Variants in GLG1 observed in about 807,000 individuals in gnomAD.
GLG1 encodes the protein golgi glycoprotein 1, also known as Golgi apparatus protein 1.
GLG1 carries 38 observed loss-of-function variants against 160.5 expected under a neutral mutation model. The ratio of observed to expected loss-of-function variants is 0.24; its 90% CI spans 0.18 to 0.31. GLG1 has a LOEUF of 0.31. Ranked by LOEUF, GLG1 falls within the 10% of genes least tolerant of loss-of-function variation. The pLI, the probability that GLG1 is intolerant of heterozygous loss-of-function variation, is 1.00. For synonymous variants in GLG1, 644 were observed against 543.4 expected, an observed-to-expected ratio of 1.19 and a Z score of -2.57; for missense variants, 1,373 against 1,505.2, an observed-to-expected ratio of 0.91 and a Z score of 1.45.
intron 13 of GLG1, 88 bp from the exon 14 acceptor site, chr16:74,472,499 C>T (rs2015242208): frequency 2.2e-6 from 3 of 1,345,084 alleles, no homozygotes; most frequent in African/African-American, 1.5e-5. Flanking sequence ...TCAGTAATAT[C>T]TGATGGGCAA....
At chr16:74,586,133 A>G (rs1958047720) in intron 1 of GLG1, among the ~76,000 whole-genome samples, 1 of 152,086 alleles carries the variant, frequency 6.6e-6, no homozygotes, top group Non-Finnish European at 1.5e-5. Flanking sequence ...TTTCATCTCA[A>G]TGAGTTAGAA....
chr16:74,474,300 G>C (rs1003710263), intron 13 of GLG1: 8 of 419,594 alleles, frequency 1.9e-5, no homozygotes, highest in African/African-American at 1.2e-4. Flanking sequence ...TAATGACTAT[G>C]ATAAACCTAA....
chr16:74,459,257 T>A (rs2014684171), intron 23 of GLG1, among the ~76,000 whole-genome samples: 1 of 152,256 alleles, frequency 6.6e-6, no homozygotes, highest in Non-Finnish European at 1.5e-5. Context: ...GGCGGGTGGA[T>A]CACGAGGTCA....
chr16:74,481,953 A>AT (rs886341695), intron 10 of GLG1, among the ~76,000 whole-genome samples: 85 of 151,798 alleles, frequency 5.6e-4, no homozygotes, highest in Admixed American at 1.2e-3. Flanking sequence ...CGCCCGGCTA[A>AT]TTTTTTTTGT....
intron 22 of GLG1, chr16:74,461,373 T>TA (rs2014786161): frequency 1.3e-5 from 2 of 151,286 alleles, no homozygotes; most frequent in South Asian, 4.2e-4. Flanking sequence ...TTCACTGTGT[T>TA]AGCCAGGATG....
At chr16:74,563,537 T>C (rs1222598775) in intron 1 of GLG1, among the ~76,000 whole-genome samples, 1 of 151,978 alleles carries the variant, frequency 6.6e-6, no homozygotes, top group Non-Finnish European at 1.5e-5. Flanking sequence ...AAGACCAGCC[T>C]GGTCAAAATG....
intron 1 of GLG1, among the ~76,000 whole-genome samples, chr16:74,588,210 T>G (rs1213893212): frequency 6.6e-6 from 1 of 152,026 alleles, no homozygotes; most frequent in Non-Finnish European, 1.5e-5. Context: ...AAAAACTGTC[T>G]GAAGAAATAG....
rs1488236395 is a variant in GLG1, at chr16:74,449,656, C to G, written c.*3511G>C. Reference sequence around the variant, plus strand: ...AAGAGTAAGGACAGCATGAGACAGCCAAAGGCCTGCAGTGTGTTCAAGTCA... The same window carrying G: ...AAGAGTAAGGACAGCATGAGACAGCGAAAGGCCTGCAGTGTGTTCAAGTCA... On this transcript the variant is annotated 3_prime_UTR_variant, in exon 26 of 26. Transcript: ENST00000422840. The G allele has an allele frequency of 6.6e-6, 1 of 152,194 alleles. No individual in the cohort carries two copies. Among genetic ancestry groups the G allele is most frequent in the African/African-American group, 2.4e-5 (1 of 41,422 alleles). 9.4% of individuals were successfully genotyped at this position (152,194 alleles called of 1,614,324 possible).
chr16:74,485,951 A>G, intron 8 of GLG1, 34 bp from the exon 9 acceptor site: 1 of 1,590,218 alleles, frequency 6.3e-7, no homozygotes, highest in Non-Finnish European at 8.6e-7. Flanking sequence ...GAAGAAAGAA[A>G]GTCACTTAGG....
In GLG1 at chr16:74,447,492, G is replaced by A. The variant is rs1413317143; in HGVS notation, c.*5675C>T. 1 of 152,060 alleles carries A rather than the reference G, an allele frequency of 6.6e-6. No individual in the cohort carries two copies. Among genetic ancestry groups the A allele is most frequent in the Non-Finnish European group, 1.5e-5 (1 of 68,010 alleles). 9.4% of individuals were successfully genotyped at this position (152,060 alleles called of 1,614,324 possible). A position where few individuals can be genotyped will look rare whatever the true frequency, so the allele number is the denominator to read the frequency against. ...CCATTTCATCTGTACAGAAAAAAAT[G>A]CACATTATGTTCAGAACATATCTCA... is the stretch of plus-strand genomic sequence containing the variant. On this transcript the variant is annotated 3_prime_UTR_variant, in exon 26 of 26. Transcript: ENST00000422840.
chr16:74,528,013 C>T (rs1029637659), intron 2 of GLG1, among the ~76,000 whole-genome samples: 6 of 150,490 alleles, frequency 4.0e-5, no homozygotes, highest in African/African-American at 9.8e-5. Context: ...GCCTCCCGAG[C>T]AGCTGGGACT....
intron 1 of GLG1, among the ~76,000 whole-genome samples, chr16:74,565,166 T>C (rs887876311): frequency 2.2e-4 from 34 of 151,972 alleles, no homozygotes; most frequent in African/African-American, 8.2e-4. Context: ...CTGTCTCTAC[T>C]AAAAATATAA....
intron 8 of GLG1, among the ~76,000 whole-genome samples, chr16:74,487,075 G>A (rs554197289): frequency 3.4e-4 from 51 of 152,016 alleles, no homozygotes; most frequent in Admixed American, 1.6e-3. Flanking sequence ...CACCACTCCC[G>A]GCTAACTTTT....
At chr16:74,482,435 A>C (rs1422179564) in intron 10 of GLG1, among the ~76,000 whole-genome samples, 1 of 152,190 alleles carries the variant, frequency 6.6e-6, no homozygotes, top group Non-Finnish European at 1.5e-5. Flanking sequence ...AGAAAGCAAG[A>C]TGCGGAAAGA....
intron 2 of GLG1, among the ~76,000 whole-genome samples, chr16:74,522,375 T>C (rs1247517235): frequency 6.6e-6 from 1 of 152,244 alleles, no homozygotes; most frequent in Non-Finnish European, 1.5e-5. Context: ...ACTATCACCG[T>C]TGTTCCACAT....
intron 13 of GLG1, chr16:74,472,815 G>T: frequency 3.0e-6 from 1 of 338,602 alleles, no homozygotes; most frequent in Admixed American, 4.1e-5. Context: ...TGCCCTCAAA[G>T]CAGATGCCAA....
rs1241011507 is a variant in GLG1 at position 74,451,279 on chromosome 16, C to T, written c.*1888G>A. ...AGACAGCTGTTGACAATCAGGAAGA[C>T]CCTACAAGCAGGACCGAGGGGACTA... On this transcript the variant is annotated 3_prime_UTR_variant, in exon 26 of 26. Coordinates refer to ENST00000422840, the MANE Select transcript of GLG1 (RefSeq NM_001145667.2). The T allele has an allele frequency of 6.6e-6, 1 of 152,192 alleles. No homozygotes were observed. Among genetic ancestry groups the T allele is most frequent in the Non-Finnish European group, 1.5e-5 (1 of 68,080 alleles). The allele number at this position is 152,192 out of a possible 1,614,324, so 9.4% of individuals were successfully genotyped here.
intron 1 of GLG1, among the ~76,000 whole-genome samples, chr16:74,576,301 C>T (rs768599957): frequency 4.6e-5 from 7 of 152,054 alleles, no homozygotes; most frequent in South Asian, 2.1e-4. Flanking sequence ...TGACAAATTC[C>T]GTGAATTTCT....
intron 2 of GLG1, among the ~76,000 whole-genome samples, chr16:74,529,833 T>TTG: frequency 6.8e-6 from 1 of 147,262 alleles, no homozygotes; most frequent in African/African-American, 2.5e-5. Flanking sequence ...TTTTTTTTTT[T>TTG]TGTGACGGAG....
Sources: allele counts gnomAD v4.1 joint callset (sites outside exome capture counted in the v4.1 genomes callset), GRCh38; gene constraint gnomAD v4.1.1; transcripts MANE v1.5; gene names NCBI Gene and HGNC (gene_info 2026-07-23, HGNC 2026-07-21).